SMAD3: variants seen among roughly 807,000 people sequenced by gnomAD.
The protein encoded by SMAD3 is SMAD family member 3, also known as MAD homolog 3.
Under a neutral mutation model 51.8 loss-of-function variants are expected in SMAD3, and 12 were observed. That is an observed-to-expected ratio of 0.23 (90% CI 0.15 to 0.38). The LOEUF (loss-of-function observed/expected upper bound fraction) is 0.38. Among genes scored for constraint, SMAD3 ranks in the 10% least tolerant of loss-of-function variants. The pLI is 1.00. For missense variants in SMAD3, 294 were observed against 565.6 expected (o/e 0.52, Z 4.87); for synonymous variants, 238 against 227.7 (o/e 1.05, Z -0.41).
intron 1 of SMAD3, among the ~76,000 whole-genome samples, chr15:67,080,263 T>C (rs1705121949): frequency 6.6e-6 from 1 of 152,232 alleles, no homozygotes; most frequent in South Asian, 2.1e-4. Flanking sequence ...AAGTTGGCAA[T>C]GTAATATTTT....
rs912276134 is a variant in SMAD3, at chr15:67,147,103, C to G, written c.207-17792C>G. Among the ~76,000 whole-genome samples, 39 of 152,320 alleles carry G rather than the reference C, an allele frequency of 2.6e-4. No individual in the cohort carries two copies. In the East Asian group the frequency reaches 2.9e-3, roughly 11 times the overall value. ...GTCAACTCTTGTTTAACGTTCCCCTCCATTGTTACCAAACAATCCAGGCCC... is the reference window on the plus strand; with the variant it reads ...GTCAACTCTTGTTTAACGTTCCCCTGCATTGTTACCAAACAATCCAGGCCC... On this transcript the variant is annotated intron_variant, in intron 1 of 8. Transcript: ENST00000327367.
intron 1 of SMAD3, chr15:67,126,097 TTTTTC>T (rs1961380190): frequency 8.5e-6 from 4 of 468,210 alleles, no homozygotes; most frequent in Admixed American, 6.4e-5. Context: ...TTGCGTAGTT[TTTTTC>T]TTTTCTTTTC....
At chr15:67,098,288 A>C (rs1236242872) in intron 1 of SMAD3, among the ~76,000 whole-genome samples, 1 of 112,852 alleles carries the variant, frequency 8.9e-6, no homozygotes. Context: ...CTGCCCCCCC[A>C]CCCCACCACC....
chr15:67,193,707 TA>T lies in SMAD3; in HGVS notation c.*3172del. On this transcript the variant is annotated 3_prime_UTR_variant, in exon 9 of 9. Coordinates refer to ENST00000327367, the MANE Select transcript of SMAD3 (RefSeq NM_005902.4). ...TGTCTGTGTTGTATTTTTTTTTTTT[TA>T]TTGACCATGGTGATTATTTTTTTAA... 4.3e-6 allele frequency: 1 copy of T among 232,810 alleles called. No homozygotes were observed. The highest frequency in any genetic ancestry group is 2.2e-5 in the African/African-American group (1 of 45,376). 14.4% of individuals were successfully genotyped at this position (232,810 alleles called of 1,614,324 possible).
chr15:67,137,614 A>T (rs1961699023), intron 1 of SMAD3, among the ~76,000 whole-genome samples: 1 of 152,018 alleles, frequency 6.6e-6, no homozygotes. Flanking sequence ...TTTTTCTATG[A>T]GGTTTGATTT....
rs1317532064 is a variant in SMAD3, at chr15:67,190,444, A to G, written c.1186A>G (p.Ile396Val). Residue 396 changes from isoleucine (I) to valine (V), a missense_variant, in exon 9 of 9, where the codon ATT becomes GTT. Physicochemically the swap from Ile to Val is conservative, Grantham distance 29. Transcript: ENST00000327367. ...RQTVTSTPCW[I>V]ELHLNGPLQW... The stretch of plus-strand genomic sequence containing the variant: ...GACTGTGACCAGTACCCCCTGCTGG[A>G]TTGAGCTGCACCTGAATGGGCCTTT... 24 of 1,613,776 alleles carry G rather than the reference A, an allele frequency of 1.5e-5. No individual in the cohort carries two copies. The highest frequency in any genetic ancestry group is 1.8e-5 in the Non-Finnish European group (21 of 1,179,974).
intron 5 of SMAD3, 200 bp downstream of exon 5, chr15:67,170,804 A>C: frequency 5.2e-6 from 3 of 574,682 alleles, no homozygotes; most frequent in Non-Finnish European, 9.3e-6. Flanking sequence ...GTGGCAGGAA[A>C]GACAACCATA....
intron 8 of SMAD3, 34 bp from the exon 9 acceptor site, chr15:67,190,379 T>TC: frequency 1.2e-6 from 2 of 1,607,926 alleles, no homozygotes; most frequent in Non-Finnish European, 1.7e-6. Flanking sequence ...ATTTTTTAAG[T>TC]CCCCCACCCC....
intron 1 of SMAD3, among the ~76,000 whole-genome samples, chr15:67,119,928 C>G (rs1171380410): frequency 6.6e-6 from 1 of 152,146 alleles, no homozygotes; most frequent in Non-Finnish European, 1.5e-5. Context: ...CCTCAGGTAG[C>G]TGGGATTATA....
At chr15:67,130,942 A>G (rs1208304891) in intron 1 of SMAD3, among the ~76,000 whole-genome samples, 2 of 152,178 alleles carry the variant, frequency 1.3e-5, no homozygotes, top group African/African-American at 4.8e-5. Context: ...CAGAGGCCAG[A>G]GATCTTGGCT....
At chr15:67,188,125 C>T (rs1027276502) in intron 8 of SMAD3, among the ~76,000 whole-genome samples, 2 of 149,480 alleles carry the variant, frequency 1.3e-5, no homozygotes, top group Non-Finnish European at 3.0e-5. Context: ...TAGAGTCCTA[C>T]ATACTGGTTT....
chr15:67,070,725 A>G (rs1464568409), intron 1 of SMAD3, among the ~76,000 whole-genome samples: 3 of 151,364 alleles, frequency 2.0e-5, no homozygotes, highest in East Asian at 1.9e-4. Flanking sequence ...TAAATATTGT[A>G]GAATTCACTA....
At chr15:67,141,977 C>T (rs1274497422) in intron 1 of SMAD3, among the ~76,000 whole-genome samples, 1 of 152,058 alleles carries the variant, frequency 6.6e-6, no homozygotes, top group Non-Finnish European at 1.5e-5. Context: ...TCCTGCTCTC[C>T]GAATTTAAAT....
At chr15:67,087,345 G>C (rs1402015326) in intron 1 of SMAD3, among the ~76,000 whole-genome samples, 1 of 152,116 alleles carries the variant, frequency 6.6e-6, no homozygotes, top group Non-Finnish European at 1.5e-5. Context: ...CAAGTGGGGG[G>C]GTGTTCTTTG....
intron 1 of SMAD3, among the ~76,000 whole-genome samples, chr15:67,115,844 C>T (rs1020608760): frequency 1.3e-5 from 2 of 152,158 alleles, no homozygotes; most frequent in African/African-American, 4.8e-5. Context: ...GTCCAGGGAG[C>T]CTGATTCCAT....
chr15:67,176,740 C>T (rs1321442835), intron 5 of SMAD3, among the ~76,000 whole-genome samples: 14 of 152,202 alleles, frequency 9.2e-5, no homozygotes, highest in Non-Finnish European at 1.5e-5. Flanking sequence ...GGATTAAGTG[C>T]CCTATGGCAC....
chr15:67,132,985 T>A (rs1961562315), intron 1 of SMAD3, among the ~76,000 whole-genome samples: 1 of 152,224 alleles, frequency 6.6e-6, no homozygotes, highest in Non-Finnish European at 1.5e-5. Flanking sequence ...CTCTCCTCCC[T>A]GCAAAGCATC....
intron 1 of SMAD3, among the ~76,000 whole-genome samples, chr15:67,101,144 C>T (rs1162109014): frequency 2.0e-5 from 3 of 152,112 alleles, no homozygotes; most frequent in African/African-American, 2.4e-5. Flanking sequence ...TTGTGCTACT[C>T]GCTTTGGGCA....
chr15:67,066,048 G>C lies in SMAD3; in HGVS notation c.-107G>C. 1.6e-6 allele frequency: 1 copy of C among 623,132 alleles called. No individual in the cohort carries two copies. Among genetic ancestry groups the C allele is most frequent in the Non-Finnish European group, 2.4e-6 (1 of 420,124 alleles). 38.6% of individuals were successfully genotyped at this position (623,132 alleles called of 1,614,324 possible). A position where few individuals can be genotyped will look rare whatever the true frequency, so the allele number is the denominator to read the frequency against. On this transcript the variant is annotated 5_prime_UTR_variant, in exon 1 of 9. Coordinates refer to ENST00000327367, the MANE Select transcript of SMAD3 (RefSeq NM_005902.4). ...TTCGCCGAGAGTTGAGGCGAAGTTT[G>C]GGCGACCGCGGCAGGCCCCGGCCGA...
Sources: allele counts gnomAD v4.1 joint callset (sites outside exome capture counted in the v4.1 genomes callset), GRCh38; gene constraint gnomAD v4.1.1; transcripts MANE v1.5; gene names NCBI Gene and HGNC (gene_info 2026-07-23, HGNC 2026-07-21).